NDRG3: variants seen among roughly 807,000 people sequenced by gnomAD.
NDRG3 encodes the protein protein NDRG3.
NDRG3 carries 23 observed loss-of-function variants against 57.2 expected under a neutral mutation model. That is an observed-to-expected ratio of 0.40 (90% CI 0.29 to 0.57). The LOEUF is 0.57. NDRG3 is among the 20% of genes least tolerant of loss of function. NDRG3 has a pLI of 0.42. For missense variants in NDRG3, 384 were observed against 457.3 expected (o/e 0.84, Z 1.46); for synonymous variants, 132 against 162.6 (o/e 0.81, Z 1.43).
intron 1 of NDRG3, among the ~76,000 whole-genome samples, chr20:36,744,357 G>A (rs1385015135): frequency 2.0e-5 from 3 of 152,064 alleles, no homozygotes; most frequent in African/African-American, 7.2e-5. Flanking sequence ...GGAACAGAAG[G>A]GCACCAGAAG....
At chr20:36,700,534 A>T (rs1219916822) in intron 3 of NDRG3, 1 of 525,312 alleles carries the variant, frequency 1.9e-6, no homozygotes, top group Non-Finnish European at 3.9e-6. Context: ...CTGGCTAAGG[A>T]GCTGATTCAG....
At chr20:36,689,789 C>T (rs942135502) in intron 3 of NDRG3, among the ~76,000 whole-genome samples, 64 of 149,396 alleles carry the variant, frequency 4.3e-4, no homozygotes, top group African/African-American at 1.5e-3. Context: ...GGCGCGATCT[C>T]GGCTCACTGC....
At chr20:36,695,815 G>C (rs1982735419) in intron 3 of NDRG3, among the ~76,000 whole-genome samples, 1 of 152,130 alleles carries the variant, frequency 6.6e-6, no homozygotes, top group South Asian at 2.1e-4. Context: ...TTTGCCTTGT[G>C]ATATTTTATT....
intron 2 of NDRG3, among the ~76,000 whole-genome samples, chr20:36,713,783 T>A (rs1417010254): frequency 6.6e-6 from 1 of 152,094 alleles, no homozygotes; most frequent in Non-Finnish European, 1.5e-5. Flanking sequence ...AGATACTTGA[T>A]TTGAGGAAGA....
rs1430380559 is a variant in NDRG3, at chr20:36,653,454, AATGTT to A, written c.*61_*65del. The A allele has an allele frequency of 7.0e-7, 1 of 1,438,476 alleles. No homozygotes were observed. The highest frequency in any genetic ancestry group is 1.4e-5 in the African/African-American group (1 of 71,240). The allele number at this position is 1,438,476 out of a possible 1,614,324, so 89.1% of individuals were successfully genotyped here. ...TAGTAGAGGCCAGTTTACTGGATGA[AATGTT>A]ATATTATGGAGTGGTCATTTGAAGG... is the stretch of plus-strand genomic sequence containing the variant. On this transcript the variant is annotated 3_prime_UTR_variant, in exon 16 of 16. Coordinates refer to ENST00000349004, the MANE Select transcript of NDRG3 (RefSeq NM_032013.4). This position sits in a 1 kb window ranked among gnomAD's most constrained non-coding sequence, Gnocchi z 4.2.
intron 3 of NDRG3, among the ~76,000 whole-genome samples, chr20:36,702,892 C>G (rs1227850650): frequency 6.6e-6 from 1 of 151,962 alleles, no homozygotes; most frequent in Non-Finnish European, 1.5e-5. Flanking sequence ...CCATGCTGGT[C>G]AGGCTGGTCT....
chr20:36,676,900 G>A (rs551477524), intron 8 of NDRG3, among the ~76,000 whole-genome samples: 1 of 152,368 alleles, frequency 6.6e-6, no homozygotes, highest in South Asian at 2.1e-4. Context: ...GACCAGAGCC[G>A]CAGACCCAGG....
At chr20:36,739,122 G>A (rs1349321985) in intron 1 of NDRG3, among the ~76,000 whole-genome samples, 11 of 94,740 alleles carry the variant, frequency 1.2e-4, no homozygotes, top group African/African-American at 4.3e-4. Flanking sequence ...GTGACAAAAC[G>A]AGACCCCATC....
chr20:36,696,925 A>C (rs170237), intron 3 of NDRG3, among the ~76,000 whole-genome samples: 132,001 of 152,162 alleles, frequency 0.87, 57,738 homozygotes, highest in African/African-American at 0.96. Flanking sequence ...GTATAATGAA[A>C]CTTAAAGGTC....
chr20:36,656,520 C>A lies in NDRG3; in HGVS notation c.871G>T (p.Gly291Trp). ...ACCTGAACTACCTGGGGCAGTCCCCCACAGTCCGCCATCTAGAAAAGGAAA... is the reference window on the plus strand; with the variant it reads ...ACCTGAACTACCTGGGGCAGTCCCCAACAGTCCGCCATCTAGAAAAGGAAA... ...NTTLLKMADC[G>W]GLPQVVQPGK... The change falls in exon 14 of 16, where the codon GGG becomes TGG. Residue 291 changes from glycine to tryptophan, a missense_variant. Transcript: ENST00000349004. 1 of 1,614,054 alleles carries A rather than the reference C, an allele frequency of 6.2e-7. No individual in the cohort carries two copies. Among genetic ancestry groups the A allele is most frequent in the Non-Finnish European group, 8.5e-7 (1 of 1,179,936 alleles).
rs190622528 is a variant in NDRG3 at position 36,681,814 on chromosome 20, C to T, written c.444+704G>A. ...TAGGATTCATGCAATTCTCCTGCCT[C>T]AGCCTCCTGAGTAGCTGGGATTACA... On this transcript the variant is annotated intron_variant, in intron 7 of 15. Coordinates refer to ENST00000349004, the MANE Select transcript of NDRG3 (RefSeq NM_032013.4). Among the ~76,000 whole-genome samples, 937 of 151,476 alleles carry T rather than the reference C, an allele frequency of 6.2e-3. 10 individuals carry two copies. The highest frequency in any genetic ancestry group is 0.013 in the South Asian group (61 of 4,782).
intron 9 of NDRG3, among the ~76,000 whole-genome samples, chr20:36,669,703 C>A (rs190759012): frequency 1.6e-3 from 245 of 151,638 alleles, no homozygotes; most frequent in Middle Eastern, 3.4e-3. Context: ...CCCACTATGG[C>A]GGACCTGCCT....
At chr20:36,674,980 G>A (rs1980536523) in intron 8 of NDRG3, among the ~76,000 whole-genome samples, 1 of 134,188 alleles carries the variant, frequency 7.5e-6, no homozygotes, top group Non-Finnish European at 1.5e-5. Context: ...CTACAGCCTC[G>A]ACCTGCTGGG....
chr20:36,708,618 A>T (rs1983684496), intron 2 of NDRG3, among the ~76,000 whole-genome samples: 1 of 148,456 alleles, frequency 6.7e-6, no homozygotes, highest in Non-Finnish European at 1.5e-5. Flanking sequence ...ATTGCGTGTC[A>T]GCCTGGGTGT....
At chr20:36,702,160 G>A (rs989499182) in intron 3 of NDRG3, among the ~76,000 whole-genome samples, 4 of 151,182 alleles carry the variant, frequency 2.6e-5, no homozygotes, top group African/African-American at 9.7e-5. Flanking sequence ...TTTTTGAGAC[G>A]GAGTCTTGCT....
intron 1 of NDRG3, among the ~76,000 whole-genome samples, chr20:36,741,478 ATTC>A (rs908242713): frequency 2.0e-4 from 30 of 152,336 alleles, no homozygotes; most frequent in African/African-American, 5.8e-4. Context: ...TTCAAAAAAG[ATTC>A]TTATTTTTCT....
intron 1 of NDRG3, among the ~76,000 whole-genome samples, chr20:36,743,708 C>T (rs1324131240): frequency 6.7e-6 from 1 of 149,068 alleles, no homozygotes; most frequent in Non-Finnish European, 1.5e-5. Flanking sequence ...GTCCCAGCTG[C>T]TCAGGAGGCT....
At position 36,684,465 on chromosome 20, in the gene NDRG3, G is replaced by A; in HGVS notation, c.331C>T (p.Pro111Ser). ...ATTTCAGCCAGCTCATCCATTGTGGGGTACTGATACCTGCAATCCAGAAGG... is the reference window on the plus strand; with the variant it reads ...ATTTCAGCCAGCTCATCCATTGTGGAGTACTGATACCTGCAATCCAGAAGG... ...APSFPTGYQY[P>S]TMDELAEMLP... The change falls in exon 6 of 16, where the codon CCC (proline) becomes TCC (serine). Residue 111 changes from proline (P) to serine (S), a missense_variant. Physicochemically the swap from Pro to Ser is moderately conservative, Grantham distance 74. Coordinates refer to ENST00000349004, the MANE Select transcript of NDRG3 (RefSeq NM_032013.4). The A allele has an allele frequency of 6.2e-7, 1 of 1,613,826 alleles. No homozygotes were observed. Among genetic ancestry groups the A allele is most frequent in the Non-Finnish European group, 8.5e-7 (1 of 1,179,756 alleles).
intron 1 of NDRG3, among the ~76,000 whole-genome samples, chr20:36,732,003 A>G (rs1343487633): frequency 6.6e-6 from 1 of 151,576 alleles, no homozygotes; most frequent in Non-Finnish European, 1.5e-5. Flanking sequence ...TGCCTGTAGT[A>G]TCAGCCACTC....
Sources: allele counts gnomAD v4.1 joint callset (sites outside exome capture counted in the v4.1 genomes callset), GRCh38; gene constraint gnomAD v4.1.1; non-coding constraint Gnocchi (gnomAD v3.1); transcripts MANE v1.5; gene names NCBI Gene and HGNC (gene_info 2026-07-23, HGNC 2026-07-21).